The following CEMIP variants were observed in gnomAD, a reference collection of about 807,000 sequenced individuals.
CEMIP encodes the protein cell migration-inducing and hyaluronan-binding protein.
CEMIP carries 105 observed loss-of-function variants against 156.9 expected under a neutral mutation model. The observed-to-expected ratio is 0.67, with a 90% CI of 0.57 to 0.79. CEMIP has a LOEUF of 0.79. CEMIP is among the 30% of genes least tolerant of loss of function. The pLI, the probability that CEMIP is intolerant of heterozygous loss-of-function variation, is 0.00. For missense variants in CEMIP, 1,457 were observed against 1,769.4 expected (o/e 0.82, Z 3.17); for synonymous variants, 676 against 668.4 (o/e 1.01, Z -0.17).
rs183618370 is a variant in CEMIP, at chr15:80,933,954, C to A, written c.3009+494C>A. On this transcript the variant is annotated intron_variant, in intron 23 of 29. Coordinates refer to ENST00000394685, the MANE Select transcript of CEMIP (RefSeq NM_001293298.2). ...GAAACAGAATTTAATTTTAATAATA[C>A]TTTAATTGTATTAAAAATACTATCA... is the stretch of plus-strand genomic sequence containing the variant. Among the ~76,000 whole-genome samples the A allele has an allele frequency of 2.1e-4, 32 of 152,236 alleles. No individual in the cohort carries two copies. In the East Asian group the frequency reaches 3.7e-3, roughly 17 times the overall value.
chr15:80,807,025 A>G (rs1299145885), intron 1 of CEMIP, among the ~76,000 whole-genome samples: 1 of 152,212 alleles, frequency 6.6e-6, no homozygotes, highest in Admixed American at 6.5e-5. Context: ...ATGGAAGTCA[A>G]TCGGTGATCA....
intron 12 of CEMIP, among the ~76,000 whole-genome samples, chr15:80,900,638 G>GTGTGTGTGTGTGTCTGTGTGTGTGTC (rs1567090910): frequency 2.2e-3 from 228 of 101,562 alleles, no homozygotes; most frequent in Non-Finnish European, 3.2e-3. Context: ...GTGTGTGTGT[G>GTGTGTGTGTGTGTCTGTGTGTGTGTC]TGTGTGTGTG....
chr15:80,882,390 A>G (rs936083456), intron 6 of CEMIP, among the ~76,000 whole-genome samples: 6 of 152,250 alleles, frequency 3.9e-5, no homozygotes, highest in Non-Finnish European at 5.9e-5. Context: ...AAGGTTGGAA[A>G]GTGTTGGAGA....
At chr15:80,925,504 G>C (rs971128467) in intron 18 of CEMIP, 120 bp from the exon 19 acceptor site, 60 of 1,380,964 alleles carry the variant, frequency 4.3e-5, no homozygotes, top group Non-Finnish European at 5.5e-5. Flanking sequence ...ATGGGTTTCT[G>C]TTCAGTCAAT....
intron 1 of CEMIP, among the ~76,000 whole-genome samples, chr15:80,849,948 G>A (rs1897673064): frequency 6.6e-6 from 1 of 152,200 alleles, no homozygotes; most frequent in Admixed American, 6.5e-5. Context: ...TTAGGTAAGG[G>A]CCACCCTCTG....
At chr15:80,879,969 C>T (rs1898593833) in intron 5 of CEMIP, 115 bp downstream of exon 5, 2 of 1,181,978 alleles carry the variant, frequency 1.7e-6, no homozygotes, top group Admixed American at 3.8e-5. Context: ...AGGAATCATT[C>T]TGTCCTGCCA....
intron 1 of CEMIP, among the ~76,000 whole-genome samples, chr15:80,800,021 ATGTGTGTGTGTGTGTGTG>A (rs56412231): frequency 1.6e-5 from 2 of 124,904 alleles, no homozygotes; most frequent in African/African-American, 6.2e-5. Context: ...AGCTAATTTT[ATGTGTGTGTGTGTGTGTG>A]TGTGTGTGTG....
At chr15:80,808,732 C>G (rs971718656) in intron 1 of CEMIP, among the ~76,000 whole-genome samples, 3 of 149,922 alleles carry the variant, frequency 2.0e-5, no homozygotes, top group African/African-American at 7.4e-5. Flanking sequence ...AAAAAAAAAT[C>G]AATTCTATGA....
chr15:80,860,052 C>T (rs1030082443), intron 1 of CEMIP, among the ~76,000 whole-genome samples: 4 of 152,124 alleles, frequency 2.6e-5, no homozygotes, highest in Non-Finnish European at 4.4e-5. Flanking sequence ...CACAGGGACA[C>T]GCATACACAT....
chr15:80,823,182 G>C (rs1437978725), intron 1 of CEMIP, among the ~76,000 whole-genome samples: 3 of 152,246 alleles, frequency 2.0e-5, no homozygotes, highest in Non-Finnish European at 4.4e-5. Flanking sequence ...GTTTAAATGA[G>C]AGTATGCCTC....
At chr15:80,911,964 GGCTGGGAGA>G (rs1294421445) in intron 14 of CEMIP, among the ~76,000 whole-genome samples, 9 of 119,724 alleles carry the variant, frequency 7.5e-5, no homozygotes, top group Middle Eastern at 4.1e-3. Context: ...TGCTGGGAAA[GGCTGGGAGA>G]GCTGGGAGAG....
intron 1 of CEMIP, among the ~76,000 whole-genome samples, chr15:80,822,080 T>C (rs973055526): frequency 6.6e-6 from 1 of 152,240 alleles, no homozygotes; most frequent in African/African-American, 2.4e-5. Context: ...GTCCCAGTGT[T>C]ACCTGGGATC....
chr15:80,803,177 T>C (rs11631279), intron 1 of CEMIP, among the ~76,000 whole-genome samples: 26,924 of 152,116 alleles, frequency 0.18, 2,552 homozygotes, highest in East Asian at 0.27. Flanking sequence ...AACCAGACTT[T>C]ACATCATGGG....
At chr15:80,919,893 C>T (rs1195448465) in intron 14 of CEMIP, among the ~76,000 whole-genome samples, 3 of 152,152 alleles carry the variant, frequency 2.0e-5, no homozygotes, top group Non-Finnish European at 4.4e-5. Context: ...CATCTCCAAA[C>T]CTCCAGTGCT....
intron 1 of CEMIP, among the ~76,000 whole-genome samples, chr15:80,856,489 C>T (rs1897855245): frequency 6.6e-6 from 1 of 152,168 alleles, no homozygotes; most frequent in Admixed American, 6.5e-5. Flanking sequence ...CTGTGAGATT[C>T]TTTCAACTTG....
intron 1 of CEMIP, among the ~76,000 whole-genome samples, chr15:80,798,692 TG>T (rs1185667872): frequency 5.3e-5 from 8 of 152,334 alleles, no homozygotes; most frequent in African/African-American, 1.7e-4. Flanking sequence ...TACCTATTGA[TG>T]GGGTATTCAT....
At chr15:80,878,929 G>A in intron 4 of CEMIP, 62 bp downstream of exon 4, 1 of 1,602,748 alleles carries the variant, frequency 6.2e-7, no homozygotes, top group Non-Finnish European at 8.5e-7. Flanking sequence ...TAGCAGATAG[G>A]ATGCAGGTTG....
chr15:80,881,183 A>T (rs777684593), intron 6 of CEMIP, 47 bp downstream of exon 6: 2 of 1,535,736 alleles, frequency 1.3e-6, no homozygotes, highest in East Asian at 2.2e-5. Flanking sequence ...TTCAAAGTAC[A>T]CTTATTGAGT....
intron 1 of CEMIP, among the ~76,000 whole-genome samples, chr15:80,808,156 A>G (rs16972404): frequency 0.33 from 50,893 of 152,106 alleles, 8,964 homozygotes; most frequent in East Asian, 0.59. Context: ...AGATGAAGCT[A>G]AGGCTCAATA....
Sources: allele counts gnomAD v4.1 joint callset (sites outside exome capture counted in the v4.1 genomes callset), GRCh38; gene constraint gnomAD v4.1.1; transcripts MANE v1.5; gene names NCBI Gene and HGNC (gene_info 2026-07-23, HGNC 2026-07-21).